The following TYK2 variants were observed in gnomAD, a reference collection of about 807,000 sequenced individuals.
TYK2 encodes non-receptor tyrosine-protein kinase TYK2.
In TYK2, 65 loss-of-function variants were observed where a neutral mutation model predicts 130.9. The ratio of observed to expected loss-of-function variants is 0.50; its 90% CI spans 0.41 to 0.61. The LOEUF is 0.61. TYK2 is among the 20% of genes least tolerant of loss of function. The probability of loss-of-function intolerance (pLI) is 0.00; values close to 1 mark genes in which losing one functional copy is unlikely to be tolerated. For synonymous variants in TYK2, 647 were observed against 658.9 expected, an observed-to-expected ratio of 0.98 and a Z score of 0.28; for missense variants, 1,378 against 1,610.7, an observed-to-expected ratio of 0.86 and a Z score of 2.47.
chr19:10,372,554 A>T (rs1247254190), intron 3 of TYK2, among the ~76,000 whole-genome samples: 3 of 124,702 alleles, frequency 2.4e-5, no homozygotes, highest in Non-Finnish European at 3.2e-5. Flanking sequence ...CAGTGGCATG[A>T]TCACTGTAGC....
In TYK2 at chr19:10,361,750, G is replaced by A. The variant is rs1289409342; in HGVS notation, c.1959+20C>T. The stretch of plus-strand genomic sequence containing the variant: ...ACCTCCTCCACAGACACACCCCCAG[G>A]CCTGGCCCTGCCCACTCACCAGGGC... On this transcript the variant is annotated intron_variant, in intron 13 of 24. Coordinates refer to ENST00000525621, the MANE Select transcript of TYK2 (RefSeq NM_003331.5). The surrounding 1 kb of genome is among the most constrained non-coding windows in gnomAD (Gnocchi z 4.0). The A allele has an allele frequency of 6.2e-7, 1 of 1,610,812 alleles. No individual in the cohort carries two copies. Among genetic ancestry groups the A allele is most frequent in the Non-Finnish European group, 8.5e-7 (1 of 1,179,564 alleles).
At chr19:10,356,790 C>G (rs1037328072) in intron 17 of TYK2, 72 bp from the exon 18 acceptor site, 79 of 1,521,440 alleles carry the variant, frequency 5.2e-5, no homozygotes, top group Non-Finnish European at 6.7e-5. Flanking sequence ...GAGGCAGAGT[C>G]AAGTCCCCAG....
rs911949000 is a variant in TYK2 at position 10,361,239 on chromosome 19, G to A, written c.2047+272C>T. ...GTAGAGGTTGTTTGGGAGGTTGATG[G>A]AAGTGGGGATGTAGTTGGGAATCAG... On this transcript the variant is annotated intron_variant, in intron 14 of 24. Transcript: ENST00000525621. The surrounding 1 kb of genome is among the most constrained non-coding windows in gnomAD (Gnocchi z 4.0). The A allele has an allele frequency of 1.2e-5, 7 of 595,434 alleles. No individual in the cohort carries two copies. The highest frequency in any genetic ancestry group is 2.7e-4 in the Middle Eastern group (1 of 3,724). The allele number at this position is 595,434 out of a possible 1,614,324, so 36.9% of individuals were successfully genotyped here.
Position 10,368,437 on chromosome 19 carries a change from G to T in TYK2, c.194-19C>A, listed in dbSNP as rs371094233. The T allele has an allele frequency of 1.3e-5, 21 of 1,614,008 alleles. No individual in the cohort carries two copies. Among genetic ancestry groups the T allele is most frequent in the Non-Finnish European group, 1.7e-5 (20 of 1,179,980 alleles). On this transcript the variant is annotated intron_variant, in intron 3 of 24. Coordinates refer to ENST00000525621, the MANE Select transcript of TYK2 (RefSeq NM_003331.5). ...GTGATACCTGGATCAGGTGAGAAACGAGGTCAGGAGTCACGTCATTTGCTA... is the reference window on the plus strand; with the variant it reads ...GTGATACCTGGATCAGGTGAGAAACTAGGTCAGGAGTCACGTCATTTGCTA...
chr19:10,371,909 G>A (rs2041920142), intron 3 of TYK2, among the ~76,000 whole-genome samples: 1 of 152,072 alleles, frequency 6.6e-6, no homozygotes, highest in Admixed American at 6.6e-5. Flanking sequence ...AGTGTCCCTG[G>A]GAGCACATGA....
chr19:10,358,508 C>CA (rs1055606556), intron 15 of TYK2, among the ~76,000 whole-genome samples: 2 of 151,790 alleles, frequency 1.3e-5, no homozygotes, highest in African/African-American at 4.8e-5. Flanking sequence ...GGCTGGGGTG[C>CA]AGTGGTGTGA....
At chr19:10,374,572 G>A (rs186800337) in intron 3 of TYK2, among the ~76,000 whole-genome samples, 72 of 123,480 alleles carry the variant, frequency 5.8e-4, no homozygotes, top group Non-Finnish European at 7.7e-4. Context: ...GTGACAGAGC[G>A]AGACTCCGTC....
At chr19:10,366,732 CTA>C in intron 5 of TYK2, 152 bp from the exon 6 acceptor site, 2 of 477,680 alleles carry the variant, frequency 4.2e-6, no homozygotes, top group Non-Finnish European at 6.9e-6. Flanking sequence ...AGCTGATGAG[CTA>C]AAAAAAAAAA....
At chr19:10,360,613 C>G (rs1337618484) in intron 14 of TYK2, among the ~76,000 whole-genome samples, 2 of 149,562 alleles carry the variant, frequency 1.3e-5, no homozygotes, top group Admixed American at 1.3e-4. Context: ...GTTTGGGTAC[C>G]AGAGTAGTCA....
chr19:10,367,986 GA>G, intron 5 of TYK2, 68 bp downstream of exon 5: 1 of 1,572,728 alleles, frequency 6.4e-7, no homozygotes, highest in Non-Finnish European at 8.7e-7. Flanking sequence ...ATCAGGGAGG[GA>G]AATGGGGGCT....
At chr19:10,374,636 C>T (rs2042047815) in intron 3 of TYK2, among the ~76,000 whole-genome samples, 1 of 150,002 alleles carries the variant, frequency 6.7e-6, no homozygotes, top group Non-Finnish European at 1.5e-5. Flanking sequence ...ACCTGTCATC[C>T]CAGCACTTTG....
rs747773174 is a variant in TYK2, at chr19:10,358,148, G to T, written c.2176-10C>A. 9 of 1,600,982 alleles carry T rather than the reference G, an allele frequency of 5.6e-6. No individual in the cohort carries two copies. The Admixed American group carries it at 1.5e-4, about 28-fold the overall frequency. ...CCAGGTTCTTGTTCTCCTGAGGTGGGCAGGAGAGGGGGTGTGGCCACTCAG... is the reference window on the plus strand; with the variant it reads ...CCAGGTTCTTGTTCTCCTGAGGTGGTCAGGAGAGGGGGTGTGGCCACTCAG... On this transcript the variant is annotated splice_polypyrimidine_tract_variant and intron_variant, in intron 15 of 24. Transcript: ENST00000525621.
At chr19:10,363,565 T>C (rs563973889) in intron 9 of TYK2, among the ~76,000 whole-genome samples, 1 of 152,160 alleles carries the variant, frequency 6.6e-6, no homozygotes, top group East Asian at 1.9e-4. Flanking sequence ...AGGAGCCGGA[T>C]GGGCACACAC....
At position 10,359,653 on chromosome 19, in the gene TYK2, C is replaced by G. The variant is rs12720291; in HGVS notation, c.2048-351G>C. On this transcript the variant is annotated intron_variant, in intron 14 of 24. Coordinates refer to ENST00000525621, the MANE Select transcript of TYK2 (RefSeq NM_003331.5). Reference sequence around the variant, plus strand: ...CTGAGGTCAGGAGTTCAAGGGCAGCCTGCCCAACATGATGAAACTCCATCA... The same window carrying G: ...CTGAGGTCAGGAGTTCAAGGGCAGCGTGCCCAACATGATGAAACTCCATCA... Among the ~76,000 whole-genome samples, 1,162 of 150,174 alleles carry G rather than the reference C, an allele frequency of 7.7e-3. 15 individuals carry two copies. The highest frequency in any genetic ancestry group is 0.026 in the African/African-American group (1,068 of 40,722).
At position 10,354,186 on chromosome 19, in the gene TYK2, C is replaced by T. The variant is rs1201082056; in HGVS notation, c.2764G>A (p.Gly922Ser). 6 of 1,613,660 alleles carry T rather than the reference C, an allele frequency of 3.7e-6. No individual in the cohort carries two copies. Among genetic ancestry groups the T allele is most frequent in the South Asian group, 3.3e-5 (3 of 91,080 alleles). Residue 922 changes from glycine (G) to serine (S), a missense_variant, in exon 20 of 25, where the codon GGC becomes AGC. Gly to Ser is a moderately conservative substitution (Grantham distance 56, BLOSUM62 0). Transcript: ENST00000525621. ...TTCACCGCCACCATCTCGCCAGTGC[C>T]GTCGTTGGTCGGATCGTAGCAGTAC... ...SLYCYDPTND[G>S]TGEMVAVKAL...
intron 3 of TYK2, among the ~76,000 whole-genome samples, chr19:10,377,539 G>A (rs1404358034): frequency 3.3e-5 from 4 of 119,500 alleles, no homozygotes; most frequent in Non-Finnish European, 5.3e-5. Flanking sequence ...TGGATGGATG[G>A]ATGGATGGGT....
At position 10,361,267 on chromosome 19, in the gene TYK2, T is replaced by TG; in HGVS notation, c.2047+243dup. ...GTGGGGATGTAGTTGGGAATCAGGG[T>TG]GGGGGTTGAGACTGAGGGCAGGTGA... On this transcript the variant is annotated intron_variant, in intron 14 of 24. Transcript: ENST00000525621. The surrounding 1 kb of genome is among the most constrained non-coding windows in gnomAD (Gnocchi z 4.0). 1.6e-6 allele frequency: 1 copy of TG among 610,842 alleles called. No individual in the cohort carries two copies. The highest frequency in any genetic ancestry group is 3.0e-6 in the Non-Finnish European group (1 of 335,616). 37.8% of individuals were successfully genotyped at this position (610,842 alleles called of 1,614,324 possible).
chr19:10,372,340 C>CTGGAATACA (rs2041940763), intron 3 of TYK2, among the ~76,000 whole-genome samples: 1 of 141,834 alleles, frequency 7.1e-6, no homozygotes, highest in African/African-American at 2.6e-5. Context: ...GACATATAGG[C>CTGGAATACA]TGGAATACAG....
chr19:10,354,698 C>T (rs1405574579), intron 18 of TYK2, 89 bp from the exon 19 acceptor site: 18 of 1,079,740 alleles, frequency 1.7e-5, no homozygotes, highest in Non-Finnish European at 2.2e-5. Flanking sequence ...CCACAGCTAC[C>T]CCAGGATCCG....
Sources: allele counts gnomAD v4.1 joint callset (sites outside exome capture counted in the v4.1 genomes callset), GRCh38; gene constraint gnomAD v4.1.1; non-coding constraint Gnocchi (gnomAD v3.1); transcripts MANE v1.5; gene names NCBI Gene and HGNC (gene_info 2026-07-23, HGNC 2026-07-21).